TBC1D19: variants seen among roughly 807,000 people sequenced by gnomAD.
The protein encoded by TBC1D19 is TBC1 domain family, member 19.
In TBC1D19, 60 loss-of-function variants were observed where a neutral mutation model predicts 89.0. The observed-to-expected ratio is 0.67, with a 90% CI of 0.55 to 0.84. The LOEUF (loss-of-function observed/expected upper bound fraction) is 0.84, where lower values mean the gene tolerates loss of function less well. TBC1D19 is among the 40% of genes least tolerant of loss of function. The pLI is 0.00. For synonymous variants in TBC1D19, 189 were observed against 199.7 expected (o/e 0.95, Z 0.45); for missense variants, 500 against 610.8 (o/e 0.82, Z 1.91).
intron 1 of TBC1D19, among the ~76,000 whole-genome samples, chr4:26,605,615 T>C (rs1004973408): frequency 6.6e-6 from 1 of 152,200 alleles, no homozygotes; most frequent in African/African-American, 2.4e-5. Flanking sequence ...TCTAGATCCC[T>C]GAGGAATCGC....
At chr4:26,772,130 T>A in the TBC1D19 span, among the ~76,000 whole-genome samples, 1 of 151,464 alleles carries the variant, frequency 6.6e-6, no homozygotes, top group African/African-American at 2.4e-5. Context: ...TCCAACTTTT[T>A]TTTTTTTTTT....
chr4:26,683,922 A>G (rs960486344), intron 12 of TBC1D19, among the ~76,000 whole-genome samples, 173 bp downstream of exon 12: 3 of 152,176 alleles, frequency 2.0e-5, no homozygotes, highest in African/African-American at 7.2e-5. Context: ...TGCAGTTTGC[A>G]TTCTCTGTTA....
chr4:26,824,320 C>A, the TBC1D19 span, among the ~76,000 whole-genome samples: 1 of 152,218 alleles, frequency 6.6e-6, no homozygotes, highest in African/African-American at 2.4e-5. Context: ...CTTATTAAGA[C>A]AACTGCAGCT....
chr4:26,581,729 A>G (rs1255399860), upstream of TBC1D19, among the ~76,000 whole-genome samples: 1 of 152,200 alleles, frequency 6.6e-6, no homozygotes, highest in African/African-American at 2.4e-5. Flanking sequence ...TGGTCTATCT[A>G]TCATTATAAC....
chr4:26,735,923 T>C (rs547271650), intron 16 of TBC1D19, among the ~76,000 whole-genome samples: 2,793 of 149,438 alleles, frequency 0.019, 83 homozygotes, highest in African/African-American at 0.065. Flanking sequence ...TGTGGAGAAA[T>C]AGGAACACTT....
intron 1 of TBC1D19, among the ~76,000 whole-genome samples, chr4:26,603,634 A>G (rs1014214198): frequency 6.6e-6 from 1 of 152,196 alleles, no homozygotes; most frequent in Non-Finnish European, 1.5e-5. Flanking sequence ...CAGGTGAAAA[A>G]ATCTAGCTGT....
chr4:26,705,872 G>A (rs1324547654), intron 13 of TBC1D19, among the ~76,000 whole-genome samples: 1 of 151,886 alleles, frequency 6.6e-6, no homozygotes, highest in African/African-American at 2.4e-5. Flanking sequence ...TAATTGTGTG[G>A]GAAAGTTTTT....
At chr4:26,804,992 C>T in the TBC1D19 span, among the ~76,000 whole-genome samples, 3 of 152,074 alleles carry the variant, frequency 2.0e-5, no homozygotes, top group Non-Finnish European at 2.9e-5. Context: ...AAGGAAGCAG[C>T]GTGAAGATTC....
intron 18 of TBC1D19, among the ~76,000 whole-genome samples, chr4:26,743,345 C>T (rs1215338057): frequency 1.3e-5 from 2 of 152,200 alleles, no homozygotes; most frequent in East Asian, 3.9e-4. Flanking sequence ...CATTTGTCTT[C>T]TCCACTCTTG....
chr4:26,774,695 G>A, the TBC1D19 span, among the ~76,000 whole-genome samples: 1 of 152,084 alleles, frequency 6.6e-6, no homozygotes, highest in African/African-American at 2.4e-5. Context: ...AGATTTTTTT[G>A]TAGATTATCT....
At chr4:26,646,448 G>T (rs981327775) in intron 7 of TBC1D19, among the ~76,000 whole-genome samples, 1 of 152,148 alleles carries the variant, frequency 6.6e-6, no homozygotes, top group Non-Finnish European at 1.5e-5. Flanking sequence ...TTGCCTCAGT[G>T]ATCCCATTAC....
the TBC1D19 span, among the ~76,000 whole-genome samples, chr4:26,830,624 A>G: frequency 8.5e-5 from 13 of 152,186 alleles, no homozygotes; most frequent in Non-Finnish European, 1.5e-4. Flanking sequence ...AGAGGCTCTC[A>G]AAGTTTTGGT....
At chr4:26,811,330 G>A in the TBC1D19 span, among the ~76,000 whole-genome samples, 2 of 152,204 alleles carry the variant, frequency 1.3e-5, no homozygotes, top group Non-Finnish European at 2.9e-5. Context: ...GAAGGGAGGG[G>A]GACATCACAC....
At chr4:26,605,849 T>C (rs13105574) in intron 1 of TBC1D19, among the ~76,000 whole-genome samples, 69,097 of 151,888 alleles carry the variant, frequency 0.45, 17,443 homozygotes, top group Admixed American at 0.6. Flanking sequence ...TGCATAAATG[T>C]CTTCTTTTGA....
intron 7 of TBC1D19, among the ~76,000 whole-genome samples, chr4:26,655,574 C>T (rs997499777): frequency 4.6e-5 from 7 of 152,300 alleles, no homozygotes; most frequent in Admixed American, 1.3e-4. Flanking sequence ...GGCAATGGCA[C>T]GCGCCCCTCT....
chr4:26,588,218 G>A (rs1475565229), intron 1 of TBC1D19, among the ~76,000 whole-genome samples: 1 of 151,820 alleles, frequency 6.6e-6, no homozygotes. Context: ...GTAGAGACAG[G>A]ATTTCACCGT....
the TBC1D19 span, among the ~76,000 whole-genome samples, chr4:26,787,101 G>GTT: frequency 1.9e-4 from 24 of 129,342 alleles, no homozygotes; most frequent in East Asian, 4.4e-4. Flanking sequence ...AGAGGAACTA[G>GTT]TTTTTTTTTT....
intron 4 of TBC1D19, among the ~76,000 whole-genome samples, chr4:26,635,100 T>C (rs1347431309): frequency 2.0e-5 from 3 of 152,146 alleles, no homozygotes; most frequent in African/African-American, 7.2e-5. Context: ...TTCCTTATAA[T>C]AGGATAAATA....
the TBC1D19 span, among the ~76,000 whole-genome samples, chr4:26,808,037 C>T: frequency 6.6e-6 from 1 of 152,220 alleles, no homozygotes; most frequent in Non-Finnish European, 1.5e-5. Context: ...GCTCCAGAGC[C>T]CCGGCTCCCA....
Sources: gnomAD v4.1 joint callset for allele counts (sites outside exome capture counted in the v4.1 genomes callset) on GRCh38, gnomAD v4.1.1 for gene constraint, MANE v1.5 for transcripts, NCBI Gene and HGNC (gene_info 2026-07-23, HGNC 2026-07-21) for gene names.